Variants in DAG1 observed in about 807,000 individuals in gnomAD.
The protein encoded by DAG1 is dystroglycan 1.
DAG1 carries 8 observed loss-of-function variants against 46.1 expected under a neutral mutation model. The observed-to-expected ratio is 0.17, with a 90% CI of 0.10 to 0.31. DAG1 has a LOEUF of 0.31. Among genes scored for constraint, DAG1 ranks in the 10% least tolerant of loss-of-function variants. The pLI is 1.00. For synonymous variants in DAG1, 495 were observed against 481.8 expected (o/e 1.03, Z -0.36); for missense variants, 1,003 against 1,189.9 (o/e 0.84, Z 2.31).
At chr3:49,485,442 G>A (rs1379595117) in intron 1 of DAG1, among the ~76,000 whole-genome samples, 1 of 152,166 alleles carries the variant, frequency 6.6e-6, no homozygotes, top group Non-Finnish European at 1.5e-5. Context: ...CCCTAGAAAT[G>A]TCATGTAATA....
intron 1 of DAG1, among the ~76,000 whole-genome samples, chr3:49,501,389 T>G (rs1246558446): frequency 6.6e-6 from 1 of 152,072 alleles, no homozygotes; most frequent in Non-Finnish European, 1.5e-5. Context: ...ATTCATTAGG[T>G]GTATGGTGTA....
intron 1 of DAG1, among the ~76,000 whole-genome samples, chr3:49,484,290 T>C (rs1347689436): frequency 6.6e-6 from 1 of 152,080 alleles, no homozygotes; most frequent in Non-Finnish European, 1.5e-5. Context: ...GATTCTTTCA[T>C]GTAGGGGAGA....
intron 2 of DAG1, among the ~76,000 whole-genome samples, chr3:49,520,387 G>A (rs2050997429): frequency 6.6e-6 from 1 of 152,230 alleles, no homozygotes; most frequent in Non-Finnish European, 1.5e-5. Flanking sequence ...CTTGCAATGA[G>A]GAGGCCTTGA....
chr3:49,505,919 C>T (rs2050593574), intron 1 of DAG1, among the ~76,000 whole-genome samples: 1 of 151,504 alleles, frequency 6.6e-6, no homozygotes, highest in African/African-American at 2.4e-5. Flanking sequence ...ATCCACCTGC[C>T]TCGGCCCCCC....
intron 1 of DAG1, among the ~76,000 whole-genome samples, chr3:49,500,911 CTG>C (rs1421500399): frequency 2.6e-5 from 4 of 152,150 alleles, no homozygotes; most frequent in South Asian, 2.1e-4. Context: ...GAGTATGAGA[CTG>C]TGTAAAAAAA....
In DAG1 at chr3:49,530,874, C is replaced by A. The variant is rs781642324; in HGVS notation, c.363C>A (p.Pro121=). 3.1e-6 allele frequency: 5 copies of A among 1,614,136 alleles called. No homozygotes were observed. In the Admixed American group the frequency reaches 8.3e-5, roughly 27 times the overall value. The stretch of plus-strand genomic sequence containing the variant: ...AGAGCCACACCCTGGAGGGCCTCCC[C>A]CTTGACACTGATAAGGGTGTGCATT... ...DSQSHTLEGL[P]LDTDKGVHYI... Residue 121 remains proline (P), a synonymous_variant, in exon 3 of 3, where the codon CCC becomes CCA. Coordinates refer to ENST00000308775, the MANE Select transcript of DAG1 (RefSeq NM_004393.6).
intron 1 of DAG1, among the ~76,000 whole-genome samples, chr3:49,491,434 C>T (rs1362328663): frequency 6.6e-6 from 1 of 151,976 alleles, no homozygotes; most frequent in African/African-American, 2.4e-5. Flanking sequence ...CCTCAGCCTC[C>T]CAAGTAGCAG....
Position 49,535,044 on chromosome 3 carries a change from C to A in DAG1, c.*1845C>A, listed in dbSNP as rs989496516. The stretch of plus-strand genomic sequence containing the variant: ...CGCCTTCTCCCACAGGGCCCAGCCC[C>A]TCTCCCCTGCCCCAGTCCCCAGGGG... On this transcript the variant is annotated 3_prime_UTR_variant, in exon 3 of 3. Coordinates refer to ENST00000308775, the MANE Select transcript of DAG1 (RefSeq NM_004393.6). The A allele has an allele frequency of 6.6e-6, 1 of 152,342 alleles. No homozygotes were observed. Among genetic ancestry groups the A allele is most frequent in the Non-Finnish European group, 1.5e-5 (1 of 68,142 alleles). 9.4% of individuals were successfully genotyped at this position (152,342 alleles called of 1,614,324 possible). A position where few individuals can be genotyped will look rare whatever the true frequency, so the allele number is the denominator to read the frequency against.
chr3:49,488,121 GCTAA>G (rs1029814797), intron 1 of DAG1, among the ~76,000 whole-genome samples: 2 of 151,974 alleles, frequency 1.3e-5, no homozygotes, highest in East Asian at 1.9e-4. Flanking sequence ...TATCATTCTG[GCTAA>G]CTATTAAGTA....
At chr3:49,493,097 T>G (rs2050230872) in intron 1 of DAG1, 1 of 125,236 alleles carries the variant, frequency 8.0e-6, no homozygotes, top group African/African-American at 3.1e-5. Context: ...CAGGCGGGAG[T>G]GCAGTGGCAT....
chr3:49,530,993 A>C lies in DAG1; in HGVS notation c.482A>C (p.His161Pro). The stretch of plus-strand genomic sequence containing the variant: ...TCCATCGAGGTCTACCCTGAAGACC[A>C]CAGTGAGCTGCAGTCGGTGAGGACA... ...VFSIEVYPED[H>P]SELQSVRTAS... The change falls in exon 3 of 3, where the codon CAC becomes CCC. Residue 161 changes from histidine to proline, a missense_variant. By Grantham distance (77) the His-to-Pro change is moderately conservative. This residue lies in a region of DAG1 where 196 missense variants were observed against 239.1 expected (regional missense o/e 0.82). Coordinates refer to ENST00000308775, the MANE Select transcript of DAG1 (RefSeq NM_004393.6). The C allele has an allele frequency of 6.2e-7, 1 of 1,614,194 alleles. No homozygotes were observed. The highest frequency in any genetic ancestry group is 2.2e-5 in the East Asian group (1 of 44,886).
intron 2 of DAG1, 76 bp from the exon 3 acceptor site, chr3:49,530,721 C>A: frequency 6.3e-7 from 1 of 1,599,690 alleles, no homozygotes; most frequent in Non-Finnish European, 8.6e-7. Flanking sequence ...TCACACAATT[C>A]AGGTTAACTG....
intron 1 of DAG1, among the ~76,000 whole-genome samples, chr3:49,500,359 A>G (rs891839421): frequency 2.0e-5 from 3 of 152,086 alleles, no homozygotes. Flanking sequence ...ACATATCACA[A>G]CTGGGAGGAA....
chr3:49,469,624 A>G (rs1032186263), upstream of DAG1, among the ~76,000 whole-genome samples: 2 of 151,112 alleles, frequency 1.3e-5, no homozygotes, highest in South Asian at 4.2e-4. Flanking sequence ...GCGCTTTCCG[A>G]CTCCCCAGCC....
At chr3:49,496,950 G>T (rs902742019) in intron 1 of DAG1, among the ~76,000 whole-genome samples, 4 of 151,830 alleles carry the variant, frequency 2.6e-5, no homozygotes, top group African/African-American at 9.7e-5. Context: ...AGAGATGGGG[G>T]TCTCACTATG....
intron 1 of DAG1, among the ~76,000 whole-genome samples, chr3:49,472,704 G>T (rs1299466383): frequency 6.6e-6 from 1 of 152,160 alleles, no homozygotes; most frequent in Non-Finnish European, 1.5e-5. Context: ...CTACTCAGGA[G>T]GCTGAGGCAG....
At chr3:49,509,655 G>C (rs1372554170) in intron 1 of DAG1, among the ~76,000 whole-genome samples, 1 of 152,166 alleles carries the variant, frequency 6.6e-6, no homozygotes, top group African/African-American at 2.4e-5. Context: ...AGCCACATAT[G>C]TCACTTAAAT....
rs147292984 is a variant in DAG1 at position 49,528,275 on chromosome 3, A to ATTTTTTTTTTTTTTTT, written c.286-2510_286-2495dup. On this transcript the variant is annotated intron_variant, in intron 2 of 2. Coordinates refer to ENST00000308775, the MANE Select transcript of DAG1 (RefSeq NM_004393.6). ...CAGCCAAAACATTTGAAATAGTGTGATTTTTTTTTTTTTTTTTTTTTTTTT... is the reference window on the plus strand; with the variant it reads ...CAGCCAAAACATTTGAAATAGTGTGATTTTTTTTTTTTTTTTTTTTTTTTTTTTTTTTTTTTTTTTT... Among the ~76,000 whole-genome samples the ATTTTTTTTTTTTTTTT allele has an allele frequency of 5.6e-3, 372 of 66,624 alleles. 74 individuals carry two copies. The highest frequency in any genetic ancestry group is 0.019 in the African/African-American group (279 of 14,512). The allele number at this position is 66,624 out of a possible 152,430, so 43.7% of individuals were successfully genotyped here.
At chr3:49,478,527 GTTTTT>G (rs35150889) in intron 1 of DAG1, among the ~76,000 whole-genome samples, 31 of 85,078 alleles carry the variant, frequency 3.6e-4, no homozygotes, top group Non-Finnish European at 1.9e-4. Context: ...GAGCCCAAGA[GTTTTT>G]TTTTTTTTTT....
Sources: allele counts gnomAD v4.1 joint callset (sites outside exome capture counted in the v4.1 genomes callset), GRCh38; gene constraint gnomAD v4.1.1; regional missense constraint gnomAD v4.1.1; transcripts MANE v1.5; gene names NCBI Gene and HGNC (gene_info 2026-07-23, HGNC 2026-07-21).